MMP15: variants seen among roughly 807,000 people sequenced by gnomAD.
MMP15 encodes the protein matrix metallopeptidase 15.
In MMP15, 36 loss-of-function variants were observed where a neutral mutation model predicts 65.0. The ratio of observed to expected loss-of-function variants is 0.55; its 90% CI spans 0.42 to 0.73. The LOEUF (loss-of-function observed/expected upper bound fraction) is 0.73. Among genes scored for constraint, MMP15 ranks in the 30% least tolerant of loss-of-function variants. MMP15 has a pLI of 0.00. For synonymous variants in MMP15, 428 were observed against 410.2 expected, an observed-to-expected ratio of 1.04 and a Z score of -0.52; for missense variants, 870 against 987.8, an observed-to-expected ratio of 0.88 and a Z score of 1.60.
rs1959542716 is a variant in MMP15 at position 58,045,367 on chromosome 16, A to G, written c.1931A>G (p.Tyr644Cys). The G allele has an allele frequency of 1.3e-6, 2 of 1,596,966 alleles. No homozygotes were observed. Among genetic ancestry groups the G allele is most frequent in the Non-Finnish European group, 1.7e-6 (2 of 1,174,032 alleles). ...LLLLCVLGLT[Y>C]ALVQMQRKGA... Reference sequence around the variant, plus strand: ...CTGCTCTGCGTCCTGGGCCTCACCTACGCGCTGGTGCAGATGCAGCGCAAG... The same window carrying G: ...CTGCTCTGCGTCCTGGGCCTCACCTGCGCGCTGGTGCAGATGCAGCGCAAG... The change falls in exon 10 of 10, where the codon TAC (tyrosine) becomes TGC (cysteine). Residue 644 changes from tyrosine to cysteine, a missense_variant. By Grantham distance (194) the Tyr-to-Cys change is radical. Coordinates refer to ENST00000219271, the MANE Select transcript of MMP15 (RefSeq NM_002428.4).
chr16:58,043,684 C>T (rs1959500409), intron 9 of MMP15, 57 bp downstream of exon 9: 1 of 1,307,796 alleles, frequency 7.6e-7, no homozygotes, highest in Non-Finnish European at 1.1e-6. Context: ...GCTACACACA[C>T]CACAGGGCAG....
chr16:58,045,536 C>G lies in MMP15; in HGVS notation c.*90C>G. On this transcript the variant is annotated 3_prime_UTR_variant, in exon 10 of 10. Coordinates refer to ENST00000219271, the MANE Select transcript of MMP15 (RefSeq NM_002428.4). ...CTCCCTCCGCCCCCAGGTAGGGGCCCCTCTCAGCCCTCACACACCCTGTCT... is the reference window on the plus strand; with the variant it reads ...CTCCCTCCGCCCCCAGGTAGGGGCCGCTCTCAGCCCTCACACACCCTGTCT... The G allele has an allele frequency of 5.7e-6, 6 of 1,061,212 alleles. No individual in the cohort carries two copies. The highest frequency in any genetic ancestry group is 7.9e-6 in the Non-Finnish European group (6 of 756,734). The allele number at this position is 1,061,212 out of a possible 1,614,324, so 65.7% of individuals were successfully genotyped here.
chr16:58,026,484 C>T lies in MMP15; in HGVS notation c.134C>T (p.Ala45Val). ...VLLGCLGLGVAAEDAEVHAEN... is the reference protein window; with the variant it reads ...VLLGCLGLGVVAEDAEVHAEN... ...CTGGGCTGCCTGGGCCTTGGCGTAG[C>T]GGCCGAAGACGCGGAGGTCCATGCC... The change falls in exon 1 of 10, where the codon GCG (alanine) becomes GTG (valine). Residue 45 changes from alanine (A) to valine (V), a missense_variant. Physicochemically the swap from Ala to Val is moderately conservative, Grantham distance 64. Transcript: ENST00000219271. 2.2e-6 allele frequency: 3 copies of T among 1,388,060 alleles called. No individual in the cohort carries two copies. The highest frequency in any genetic ancestry group is 1.5e-5 in the African/African-American group (1 of 66,062). The allele number at this position is 1,388,060 out of a possible 1,614,324, so 86.0% of individuals were successfully genotyped here. A position where few individuals can be genotyped will look rare whatever the true frequency, so the allele number is the denominator to read the frequency against.
intron 1 of MMP15, among the ~76,000 whole-genome samples, chr16:58,028,666 G>C (rs1420417927): frequency 2.6e-5 from 4 of 152,176 alleles, no homozygotes; most frequent in Non-Finnish European, 5.9e-5. Context: ...CTCCAGTAGG[G>C]TCACAGCTGG....
At chr16:58,037,351 G>A in intron 1 of MMP15, 121 bp from the exon 2 acceptor site, 2 of 1,287,772 alleles carry the variant, frequency 1.6e-6, no homozygotes, top group Middle Eastern at 2.3e-4. Context: ...CTGGGCAGGA[G>A]GTGATGACGG....
At chr16:58,039,659 A>G (rs1959407598) in intron 3 of MMP15, among the ~76,000 whole-genome samples, 1 of 152,248 alleles carries the variant, frequency 6.6e-6, no homozygotes, top group Non-Finnish European at 1.5e-5. Flanking sequence ...CTCTTACTTA[A>G]AATCAGTTTA....
rs777536839 is a variant in MMP15, at chr16:58,040,644, G to A, written c.856G>A (p.Val286Ile). ...GGCGCCGTTCTACCAGTGGAAGGACGTTGACAACTTCAAGCTGCCCGAGGA... is the reference window on the plus strand; with the variant it reads ...GGCGCCGTTCTACCAGTGGAAGGACATTGACAACTTCAAGCTGCCCGAGGA... Reference protein sequence around the residue: ...IMAPFYQWKDVDNFKLPEDDL... With the variant: ...IMAPFYQWKDIDNFKLPEDDL... Residue 286 changes from valine to isoleucine, a missense_variant, in exon 5 of 10, where the codon GTT becomes ATT. Val to Ile is a conservative substitution (Grantham distance 29, BLOSUM62 3). Coordinates refer to ENST00000219271, the MANE Select transcript of MMP15 (RefSeq NM_002428.4). 31 of 1,614,084 alleles carry A rather than the reference G, an allele frequency of 1.9e-5. No homozygotes were observed. Among genetic ancestry groups the A allele is most frequent in the Middle Eastern group, 1.6e-4 (1 of 6,084 alleles).
chr16:58,037,402 C>A, intron 1 of MMP15, 70 bp from the exon 2 acceptor site: 3 of 1,562,328 alleles, frequency 1.9e-6, no homozygotes, highest in Non-Finnish European at 2.6e-6. Context: ...GGGAAGTGGT[C>A]GGCACAGGCT....
chr16:58,038,416 G>C, intron 3 of MMP15, 22 bp downstream of exon 3: 1 of 1,613,150 alleles, frequency 6.2e-7, no homozygotes, highest in East Asian at 2.2e-5. Context: ...AGCTGCCCAG[G>C]GAAGCATCTG....
rs41434247 is a variant in MMP15 at position 58,034,074 on chromosome 16, G to A, written c.163-3398G>A. 1.8e-3 allele frequency among the ~76,000 whole-genome samples: 278 copies of A among 152,330 alleles called. 1 individual carries two copies. The highest frequency in any genetic ancestry group is 5.9e-3 in the African/African-American group (246 of 41,574). On this transcript the variant is annotated intron_variant, in intron 1 of 9. Transcript: ENST00000219271. The stretch of plus-strand genomic sequence containing the variant: ...ACCAAGTCCTGCTTCAAATTCTGCC[G>A]TACTCTGCCACTTACAAGACTTTCT...
At position 58,040,023 on chromosome 16, in the gene MMP15, A is replaced by G; in HGVS notation, c.589A>G (p.Ile197Val). The change falls in exon 4 of 10, where the codon ATC (isoleucine) becomes GTC (valine). Residue 197 changes from isoleucine to valine, a missense_variant. Transcript: ENST00000219271. ...IRLRRQKEAD[I>V]MVLFASGFHG... ...GCTGCGGCGACAGAAGGAGGCCGAC[A>G]TCATGGTACTCTTTGCCTCTGGCTT... 1 of 1,614,146 alleles carries G rather than the reference A, an allele frequency of 6.2e-7. No homozygotes were observed. Among genetic ancestry groups the G allele is most frequent in the Non-Finnish European group, 8.5e-7 (1 of 1,180,052 alleles).
chr16:58,033,405 C>A lies in MMP15; in HGVS notation c.163-4067C>A, dbSNP rs13334393. Among the ~76,000 whole-genome samples the A allele has an allele frequency of 8.7e-3, 1,321 of 152,314 alleles. 26 individuals carry two copies. The highest frequency in any genetic ancestry group is 0.03 in the African/African-American group (1,248 of 41,568). ...TTGCCGTCTGTATTATGGGAATGGTCACAAATCTACCCTTCAGGAGTGGCT... is the reference window on the plus strand; with the variant it reads ...TTGCCGTCTGTATTATGGGAATGGTAACAAATCTACCCTTCAGGAGTGGCT... On this transcript the variant is annotated intron_variant, in intron 1 of 9. Coordinates refer to ENST00000219271, the MANE Select transcript of MMP15 (RefSeq NM_002428.4).
chr16:58,040,117 G>A lies in MMP15; in HGVS notation c.683G>A (p.Gly228Asp). ...GCCCACGCCTATTTCCCTGGCCCCGGCCTAGGCGGGGACACCCATTTTGAC... is the reference window on the plus strand; with the variant it reads ...GCCCACGCCTATTTCCCTGGCCCCGACCTAGGCGGGGACACCCATTTTGAC... ...FLAHAYFPGP[G>D]LGGDTHFDAD... The change falls in exon 4 of 10, where the codon GGC (glycine) becomes GAC (aspartate). Residue 228 changes from glycine (G) to aspartate (D), a missense_variant. By Grantham distance (94) the Gly-to-Asp change is moderately conservative. Transcript: ENST00000219271. 6.2e-7 allele frequency: 1 copy of A among 1,613,798 alleles called. No individual in the cohort carries two copies. The highest frequency in any genetic ancestry group is 8.5e-7 in the Non-Finnish European group (1 of 1,180,042).
At chr16:58,028,984 G>A (rs1245808152) in intron 1 of MMP15, among the ~76,000 whole-genome samples, 7 of 152,188 alleles carry the variant, frequency 4.6e-5, no homozygotes, top group Non-Finnish European at 1.0e-4. Context: ...CAGGCTCACC[G>A]GGGGAGCTCT....
At chr16:58,036,901 C>T (rs755715584) in intron 1 of MMP15, among the ~76,000 whole-genome samples, 2 of 152,224 alleles carry the variant, frequency 1.3e-5, no homozygotes, top group Non-Finnish European at 2.9e-5. Context: ...AAATAGCAAA[C>T]ACCTAATTGA....
intron 1 of MMP15, among the ~76,000 whole-genome samples, chr16:58,029,011 C>G (rs533974828): frequency 1.9e-3 from 282 of 152,326 alleles, no homozygotes; most frequent in Non-Finnish European, 2.9e-3. Context: ...ACCTGCCTCC[C>G]CCTACCCCCT....
In MMP15 at chr16:58,045,253, A is replaced by T. The variant is rs905556862; in HGVS notation, c.1817A>T (p.Asn606Ile). 5.0e-6 allele frequency: 8 copies of T among 1,608,344 alleles called. No individual in the cohort carries two copies. In the African/African-American group the frequency reaches 8.0e-5, roughly 16 times the overall value. Residue 606 changes from asparagine (N) to isoleucine (I), a missense_variant, in exon 10 of 10, where the codon AAC becomes ATC. By Grantham distance (149) the Asn-to-Ile change is moderately radical. Transcript: ENST00000219271. ...GATGGGGACTTTGGGGCCGGGGTCA[A>T]CAAGGACGGGGGCAGCCGCGTGGTG... ...DGDGDFGAGV[N>I]KDGGSRVVVQ...
At chr16:58,026,735 C>G (rs1410145382) in intron 1 of MMP15, among the ~76,000 whole-genome samples, 2 of 152,232 alleles carry the variant, frequency 1.3e-5, no homozygotes, top group African/African-American at 4.8e-5. Context: ...CTCTCCTCCC[C>G]GCTACTCCTA....
chr16:58,040,624 C>T lies in MMP15; in HGVS notation c.836C>T (p.Pro279Leu). Residue 279 changes from proline (P) to leucine (L), a missense_variant, in exon 5 of 10, where the codon CCG becomes CTG. Physicochemically the swap from Pro to Leu is moderately conservative, Grantham distance 98 (BLOSUM62 -3). Coordinates refer to ENST00000219271, the MANE Select transcript of MMP15 (RefSeq NM_002428.4). The part of the protein sequence containing the change: ...HSSNPNAIMA[P>L]FYQWKDVDNF... ...AGCAACCCCAATGCCATCATGGCGCCGTTCTACCAGTGGAAGGACGTTGAC... is the reference window on the plus strand; with the variant it reads ...AGCAACCCCAATGCCATCATGGCGCTGTTCTACCAGTGGAAGGACGTTGAC... The T allele has an allele frequency of 6.2e-7, 1 of 1,614,194 alleles. No individual in the cohort carries two copies. The highest frequency in any genetic ancestry group is 8.5e-7 in the Non-Finnish European group (1 of 1,180,040).
Sources: allele counts gnomAD v4.1 joint callset (sites outside exome capture counted in the v4.1 genomes callset), GRCh38; gene constraint gnomAD v4.1.1; transcripts MANE v1.5; gene names NCBI Gene and HGNC (gene_info 2026-07-23, HGNC 2026-07-21).